The following CAMTA1 variants were observed in gnomAD, a reference collection of about 807,000 sequenced individuals.
The protein encoded by CAMTA1 is calmodulin-binding transcription activator 1.
CAMTA1 carries 27 observed loss-of-function variants against 170.9 expected under a neutral mutation model. The ratio of observed to expected loss-of-function variants is 0.16; its 90% CI spans 0.12 to 0.22. CAMTA1 has a LOEUF of 0.22. Among genes scored for constraint, CAMTA1 ranks in the 10% least tolerant of loss-of-function variants. The pLI, the probability that CAMTA1 is intolerant of heterozygous loss-of-function variation, is 1.00. For synonymous variants in CAMTA1, 833 were observed against 891.5 expected, an observed-to-expected ratio of 0.93 and a Z score of 1.17; for missense variants, 1,619 against 2,217.2, an observed-to-expected ratio of 0.73 and a Z score of 5.42.
Position 7,302,578 on chromosome 1 carries a change from A to G in CAMTA1, c.438+52952A>G, listed in dbSNP as rs553624062. 1.2e-3 allele frequency among the ~76,000 whole-genome samples: 187 copies of G among 152,248 alleles called. 1 individual carries two copies. Among genetic ancestry groups the G allele is most frequent in the African/African-American group, 4.5e-3 (186 of 41,554 alleles). On this transcript the variant is annotated intron_variant, in intron 5 of 22. Coordinates refer to ENST00000303635, the MANE Select transcript of CAMTA1 (RefSeq NM_015215.4). Reference sequence around the variant, plus strand: ...CAATGCTGCGAGTAATGAAATATGCACCTCTAATAACTGCAGTTAGAAGAT... The same window carrying G: ...CAATGCTGCGAGTAATGAAATATGCGCCTCTAATAACTGCAGTTAGAAGAT...
At chr1:7,752,562 C>T in intron 21 of CAMTA1, 29 bp downstream of exon 21, 1 of 1,552,310 alleles carries the variant, frequency 6.4e-7, no homozygotes, top group Non-Finnish European at 8.7e-7. Flanking sequence ...ATACATTCTG[C>T]TCAGGGAGAA....
chr1:7,284,482 G>A (rs1281868518), intron 5 of CAMTA1, among the ~76,000 whole-genome samples: 2 of 152,116 alleles, frequency 1.3e-5, no homozygotes, highest in African/African-American at 4.8e-5. Context: ...GATTACAGGC[G>A]TGAGCCACCA....
chr1:7,103,452 C>G (rs1443095388), intron 4 of CAMTA1, among the ~76,000 whole-genome samples: 2 of 140,982 alleles, frequency 1.4e-5, no homozygotes, highest in Non-Finnish European at 3.0e-5. Flanking sequence ...CATGCACACA[C>G]AACTACACAC....
At chr1:7,313,335 A>G (rs954778574) in intron 5 of CAMTA1, among the ~76,000 whole-genome samples, 1 of 152,022 alleles carries the variant, frequency 6.6e-6, no homozygotes, top group Non-Finnish European at 1.5e-5. Context: ...TCCTGGCGGT[A>G]CTCTGCTGCC....
chr1:7,000,292 A>T (rs187216231), intron 3 of CAMTA1, among the ~76,000 whole-genome samples: 7 of 152,272 alleles, frequency 4.6e-5, no homozygotes, highest in Admixed American at 1.3e-4. Context: ...TTCCCCAGGA[A>T]CTTCTCACCA....
At chr1:6,924,686 G>T (rs1393827229) in intron 3 of CAMTA1, among the ~76,000 whole-genome samples, 2 of 152,234 alleles carry the variant, frequency 1.3e-5, no homozygotes, top group African/African-American at 4.8e-5. Context: ...TAAGAAGCAT[G>T]TTCCAGCTTC....
At chr1:7,391,857 G>C (rs1274273773) in intron 5 of CAMTA1, among the ~76,000 whole-genome samples, 1 of 152,052 alleles carries the variant, frequency 6.6e-6, no homozygotes, top group Non-Finnish European at 1.5e-5. Flanking sequence ...CCTTTTTATG[G>C]GTGAGTGGTG....
intron 6 of CAMTA1, among the ~76,000 whole-genome samples, chr1:7,546,402 A>G (rs575034977): frequency 6.6e-6 from 1 of 152,324 alleles, no homozygotes; most frequent in South Asian, 2.1e-4. Flanking sequence ...CCAGTTTATC[A>G]TTGATGGGCA....
intron 5 of CAMTA1, among the ~76,000 whole-genome samples, chr1:7,273,426 G>A (rs958520564): frequency 4.6e-5 from 7 of 152,194 alleles, no homozygotes; most frequent in Admixed American, 6.5e-5. Context: ...ATGCCACAAC[G>A]TGGATGAACT....
chr1:7,670,815 C>A (rs1420375396), intron 9 of CAMTA1, 96 bp from the exon 10 acceptor site: 5 of 1,412,124 alleles, frequency 3.5e-6, no homozygotes, highest in South Asian at 1.3e-5. Flanking sequence ...GGGGTACAGA[C>A]CCCCATCTGA....
chr1:7,221,928 T>TACACAC (rs61354001), intron 4 of CAMTA1, among the ~76,000 whole-genome samples: 9,465 of 124,114 alleles, frequency 0.076, 869 homozygotes, highest in African/African-American at 0.26. Context: ...CACACACACA[T>TACACAC]ACACACACAC....
chr1:6,810,190 C>G (rs763626397), intron 1 of CAMTA1, among the ~76,000 whole-genome samples: 5 of 152,108 alleles, frequency 3.3e-5, no homozygotes, highest in Non-Finnish European at 5.9e-5. Context: ...GAACTGTGGT[C>G]GAGGTGCTGG....
chr1:7,704,570 C>T (rs1025031956), intron 11 of CAMTA1, among the ~76,000 whole-genome samples: 1 of 148,574 alleles, frequency 6.7e-6, no homozygotes, highest in East Asian at 2.0e-4. Flanking sequence ...GTCCCCGCGC[C>T]GAGCGGCTCC....
Position 7,731,912 on chromosome 1 carries a change from C to G in CAMTA1, c.2915-536C>G, listed in dbSNP as rs79081100. Among the ~76,000 whole-genome samples, 601 of 152,138 alleles carry G rather than the reference C, an allele frequency of 4.0e-3. 2 individuals carry two copies. Among genetic ancestry groups the G allele is most frequent in the Non-Finnish European group, 7.1e-3 (484 of 68,018 alleles). ...TAACAGTCTCAGGCACTGAATGATGCTATTCCTGAAATAAATTATAAAAGC... is the reference window on the plus strand; with the variant it reads ...TAACAGTCTCAGGCACTGAATGATGGTATTCCTGAAATAAATTATAAAAGC... On this transcript the variant is annotated intron_variant, in intron 11 of 22. Coordinates refer to ENST00000303635, the MANE Select transcript of CAMTA1 (RefSeq NM_015215.4).
intron 6 of CAMTA1, among the ~76,000 whole-genome samples, chr1:7,576,874 G>A: frequency 6.6e-6 from 1 of 152,218 alleles, no homozygotes; most frequent in Non-Finnish European, 1.5e-5. Flanking sequence ...AGAGGTAGGA[G>A]GACGGGGGAT....
rs1037808048 is a variant in CAMTA1 at position 7,299,894 on chromosome 1, T to C, written c.438+50268T>C. ...AAAATAAGGAACACAAAATGAGACC[T>C]AGAGTCTTAGAAGGGGCCCGTGCAA... On this transcript the variant is annotated intron_variant, in intron 5 of 22. Coordinates refer to ENST00000303635, the MANE Select transcript of CAMTA1 (RefSeq NM_015215.4). This position sits in a 1 kb window ranked among gnomAD's most constrained non-coding sequence, Gnocchi z 4.7. Among the ~76,000 whole-genome samples, 1 of 152,200 alleles carries C rather than the reference T, an allele frequency of 6.6e-6. No individual in the cohort carries two copies. The highest frequency in any genetic ancestry group is 1.5e-5 in the Non-Finnish European group (1 of 68,040).
intron 3 of CAMTA1, among the ~76,000 whole-genome samples, chr1:6,826,055 C>T (rs907748509): frequency 6.6e-6 from 1 of 152,156 alleles, no homozygotes; most frequent in African/African-American, 2.4e-5. Context: ...ATTTAGCACC[C>T]TATCCTTATT....
chr1:7,692,078 C>T (rs994535948), intron 11 of CAMTA1, among the ~76,000 whole-genome samples: 1 of 152,082 alleles, frequency 6.6e-6, no homozygotes, highest in Non-Finnish European at 1.5e-5. Flanking sequence ...GATCCAGCCA[C>T]CCGGATATCC....
In CAMTA1 at chr1:7,273,026, A is replaced by G. The variant is rs903376780; in HGVS notation, c.438+23400A>G. Among the ~76,000 whole-genome samples the G allele has an allele frequency of 3.9e-5, 6 of 152,380 alleles. No homozygotes were observed. The East Asian group carries it at 1.2e-3, about 29-fold the overall frequency. On this transcript the variant is annotated intron_variant, in intron 5 of 22. Transcript: ENST00000303635. ...ATATTTAACAGCATCATTAATCATC[A>G]GAGAAGTGAAAACCACAACAAGATA...
Sources: gnomAD v4.1 joint callset for allele counts (sites outside exome capture counted in the v4.1 genomes callset) on GRCh38, gnomAD v4.1.1 for gene constraint, Gnocchi (gnomAD v3.1) non-coding constraint, MANE v1.5 for transcripts, NCBI Gene and HGNC (gene_info 2026-07-23, HGNC 2026-07-21) for gene names.